EXOC2: variants seen among roughly 807,000 people sequenced by gnomAD.
The protein encoded by EXOC2 is SEC5-like 1.
Under a neutral mutation model 131.8 loss-of-function variants are expected in EXOC2, and 70 were observed. That is an observed-to-expected ratio of 0.53 (90% CI 0.44 to 0.65). The LOEUF (loss-of-function observed/expected upper bound fraction) is 0.65, where lower values mean the gene tolerates loss of function less well. Ranked by LOEUF, EXOC2 falls within the 30% of genes least tolerant of loss-of-function variation. The pLI, the probability that EXOC2 is intolerant of heterozygous loss-of-function variation, is 0.00. For synonymous variants in EXOC2, 411 were observed against 398.4 expected (o/e 1.03, Z -0.38); for missense variants, 923 against 1,108.6 (o/e 0.83, Z 2.38).
chr6:636,501 T>C (rs1281189998), intron 2 of EXOC2, among the ~76,000 whole-genome samples: 2 of 152,208 alleles, frequency 1.3e-5, no homozygotes, highest in Non-Finnish European at 2.9e-5. Context: ...GGCTAGGCAG[T>C]GCAAAACTCA....
chr6:550,486 A>G (rs766340905), intron 21 of EXOC2, among the ~76,000 whole-genome samples: 15 of 152,220 alleles, frequency 9.9e-5, no homozygotes, highest in African/African-American at 2.7e-4. Flanking sequence ...ATCAACAAAC[A>G]TAAGTAAAAG....
chr6:620,351 T>C (rs535400233), intron 4 of EXOC2, among the ~76,000 whole-genome samples: 1 of 152,306 alleles, frequency 6.6e-6, no homozygotes, highest in South Asian at 2.1e-4. Flanking sequence ...GGCTCATTTC[T>C]GCCACTCTAG....
chr6:485,159 G>C lies in EXOC2; in HGVS notation c.*1512C>G, dbSNP rs1199691650. ...CAAGTAAATTACAACTTACATTAAAGGCAGATTCTTTATTGGCTGAATGTG... is the reference window on the plus strand; with the variant it reads ...CAAGTAAATTACAACTTACATTAAACGCAGATTCTTTATTGGCTGAATGTG... On this transcript the variant is annotated 3_prime_UTR_variant, in exon 28 of 28. Transcript: ENST00000230449. 1 of 152,186 alleles carries C rather than the reference G, an allele frequency of 6.6e-6. No individual in the cohort carries two copies. The highest frequency in any genetic ancestry group is 6.5e-5 in the Admixed American group (1 of 15,280). 9.4% of individuals were successfully genotyped at this position (152,186 alleles called of 1,614,324 possible). A position where few individuals can be genotyped will look rare whatever the true frequency, so the allele number is the denominator to read the frequency against.
chr6:532,679 C>A, intron 22 of EXOC2, 69 bp from the exon 23 acceptor site: 2 of 1,309,102 alleles, frequency 1.5e-6, no homozygotes, highest in Non-Finnish European at 1.0e-6. Context: ...ATAATGTTAA[C>A]AATAAATACT....
intron 1 of EXOC2, among the ~76,000 whole-genome samples, chr6:652,035 G>A (rs1280341428): frequency 2.7e-5 from 4 of 146,218 alleles, no homozygotes; most frequent in South Asian, 2.2e-4. Flanking sequence ...CAGCCTGGGC[G>A]ACAGAGTGAG....
rs150494553 is a variant in EXOC2, at chr6:492,897, G to A, written c.2560-1711C>T. Among the ~76,000 whole-genome samples the A allele has an allele frequency of 1.5e-3, 233 of 152,266 alleles. 1 individual carries two copies. The Middle Eastern group carries it at 0.02, about 13-fold the overall frequency. ...ATTCTTTTTCTATTGTAGACAGATC[G>A]TATGCTATGTGAAATATTTCATAAA... is the stretch of plus-strand genomic sequence containing the variant. On this transcript the variant is annotated intron_variant, in intron 25 of 27. Transcript: ENST00000230449.
intron 23 of EXOC2, among the ~76,000 whole-genome samples, chr6:513,413 C>G (rs1264577696): frequency 2.0e-5 from 3 of 152,198 alleles, no homozygotes; most frequent in Non-Finnish European, 4.4e-5. Context: ...TGAGAAGAAA[C>G]GAAAGTCCAA....
intron 23 of EXOC2, among the ~76,000 whole-genome samples, chr6:526,326 T>C (rs1765734873): frequency 6.6e-6 from 1 of 152,206 alleles, no homozygotes; most frequent in African/African-American, 2.4e-5. Flanking sequence ...TCTTTGAGAA[T>C]TGATGAATTT....
chr6:656,695 C>A lies in EXOC2; in HGVS notation c.-43-18834G>T, dbSNP rs773517763. ...CTCGCCGCCCGGGACAGGTGCTCCG[C>A]CGTCAGCTCCAGGTGGATCTCATCG... On this transcript the variant is annotated intron_variant, in intron 1 of 27. Transcript: ENST00000230449. The A allele has an allele frequency of 3.1e-6, 5 of 1,605,730 alleles. No individual in the cohort carries two copies. The Admixed American group carries it at 8.5e-5, about 27-fold the overall frequency.
chr6:569,621 G>A (rs1342693769), intron 13 of EXOC2, among the ~76,000 whole-genome samples: 2 of 152,358 alleles, frequency 1.3e-5, no homozygotes, highest in Admixed American at 6.5e-5. Flanking sequence ...GGAAGCAAGT[G>A]TCCCCAGCTC....
chr6:609,287 G>GT (rs1181424806), intron 7 of EXOC2, among the ~76,000 whole-genome samples: 1 of 152,180 alleles, frequency 6.6e-6, no homozygotes, highest in Non-Finnish European at 1.5e-5. Context: ...CTGGTGTGAG[G>GT]TTTTTTCATT....
At chr6:660,782 T>G (rs1229749893) in intron 1 of EXOC2, among the ~76,000 whole-genome samples, 2 of 152,018 alleles carry the variant, frequency 1.3e-5, no homozygotes, top group African/African-American at 4.8e-5. Context: ...TCACCAGCTA[T>G]GGATCTAAAC....
At chr6:586,471 G>A (rs1283534638) in intron 11 of EXOC2, among the ~76,000 whole-genome samples, 1 of 152,194 alleles carries the variant, frequency 6.6e-6, no homozygotes, top group Non-Finnish European at 1.5e-5. Flanking sequence ...TTAGAAGTGA[G>A]TGATGAGGTC....
intron 24 of EXOC2, among the ~76,000 whole-genome samples, chr6:499,088 G>A (rs1763894793): frequency 6.6e-6 from 1 of 152,148 alleles, no homozygotes; most frequent in Non-Finnish European, 1.5e-5. Flanking sequence ...CGTGTCAAGT[G>A]AGAGCAAGTT....
In EXOC2 at chr6:526,423, T is replaced by C. The variant is rs950414174; in HGVS notation, c.2380+6046A>G. ...TATTCTACCAGCACATCTGCCTTTT[T>C]CTTTGTGGATTTTTTTTTTTTTTTT... On this transcript the variant is annotated intron_variant, in intron 23 of 27. Transcript: ENST00000230449. Among the ~76,000 whole-genome samples, 4 of 149,668 alleles carry C rather than the reference T, an allele frequency of 2.7e-5. No homozygotes were observed. The East Asian group carries it at 5.8e-4, about 22-fold the overall frequency.
At chr6:671,551 A>G (rs1201283404) in intron 1 of EXOC2, among the ~76,000 whole-genome samples, 1 of 152,138 alleles carries the variant, frequency 6.6e-6, no homozygotes, top group African/African-American at 2.4e-5. Context: ...TTCAGATCCA[A>G]GTATTTGACC....
At chr6:654,837 A>G (rs940400542) in intron 1 of EXOC2, among the ~76,000 whole-genome samples, 1 of 141,140 alleles carries the variant, frequency 7.1e-6, no homozygotes, top group African/African-American at 2.6e-5. Context: ...AAAAAAAAAA[A>G]GTAGAGCCTT....
chr6:611,494 C>A (rs534431437), intron 6 of EXOC2, among the ~76,000 whole-genome samples: 1 of 152,334 alleles, frequency 6.6e-6, no homozygotes, highest in South Asian at 2.1e-4. Context: ...CACTGATGAG[C>A]AGGTCAAGAT....
At chr6:630,816 A>G (rs1761807279) in intron 3 of EXOC2, among the ~76,000 whole-genome samples, 1 of 152,240 alleles carries the variant, frequency 6.6e-6, no homozygotes, top group South Asian at 2.1e-4. Context: ...AATTCAATAA[A>G]ATATCTAACG....
Sources: allele counts gnomAD v4.1 joint callset (sites outside exome capture counted in the v4.1 genomes callset), GRCh38; gene constraint gnomAD v4.1.1; transcripts MANE v1.5; gene names NCBI Gene and HGNC (gene_info 2026-07-23, HGNC 2026-07-21).